KCNAB2: variants seen among roughly 807,000 people sequenced by gnomAD.
KCNAB2 encodes the protein voltage-gated potassium channel subunit beta-2.
A neutral mutation model predicts 63.6 loss-of-function variants in KCNAB2; 29 were observed. The observed-to-expected ratio is 0.46, with a 90% confidence interval of 0.34 to 0.62. KCNAB2 has a LOEUF of 0.62. Among genes scored for constraint, KCNAB2 ranks in the 20% least tolerant of loss-of-function variants. KCNAB2 has a pLI of 0.01. For synonymous variants in KCNAB2, 222 were observed against 224.2 expected, an observed-to-expected ratio of 0.99 and a Z score of 0.09; for missense variants, 359 against 563.9, an observed-to-expected ratio of 0.64 and a Z score of 3.68.
At chr1:6,029,684 G>A (rs1659454020), upstream of KCNAB2, among the ~76,000 whole-genome samples, 2 of 152,206 alleles carry the variant, frequency 1.3e-5, no homozygotes, top group South Asian at 2.1e-4. Flanking sequence ...TTTACAGATG[G>A]AGAAACTGAC....
intron 1 of KCNAB2, among the ~76,000 whole-genome samples, chr1:6,020,925 G>A (rs1036248202): frequency 6.6e-6 from 1 of 152,106 alleles, no homozygotes; most frequent in East Asian, 1.9e-4. Flanking sequence ...CTCCCAAAGT[G>A]TTGGGATTAC....
upstream of KCNAB2, among the ~76,000 whole-genome samples, chr1:6,030,978 G>A (rs1454520386): frequency 6.6e-6 from 1 of 151,746 alleles, no homozygotes; most frequent in Non-Finnish European, 1.5e-5. Flanking sequence ...CACAGCAAAG[G>A]ACATGGATGC....
chr1:6,064,563 A>G (rs1041667630), intron 2 of KCNAB2, among the ~76,000 whole-genome samples: 3 of 152,218 alleles, frequency 2.0e-5, no homozygotes, highest in Non-Finnish European at 4.4e-5. Context: ...GGTAGGGGGC[A>G]AAAGACTTAA....
chr1:6,003,066 C>T lies in KCNAB2; in HGVS notation c.-53+10278C>T, dbSNP rs569847606. On this transcript the variant is annotated intron_variant, in intron 1 of 16. Coordinates refer to the KCNAB2 transcript ENST00000341524. The surrounding 1 kb of genome is among the most constrained non-coding windows in gnomAD (Gnocchi z 4.1). ...AGAGCTAGAACATGACCGCAGCAGA[C>T]GCCTGATCCTGCGCCCCAGGCGACC... 2.4e-4 allele frequency among the ~76,000 whole-genome samples: 37 copies of T among 152,334 alleles called. 1 individual carries two copies. The South Asian group carries it at 6.4e-3, about 26-fold the overall frequency.
intron 1 of KCNAB2, among the ~76,000 whole-genome samples, chr1:6,006,979 C>G (rs1657833267): frequency 6.6e-6 from 1 of 152,152 alleles, no homozygotes; most frequent in African/African-American, 2.4e-5. Context: ...TCGCCTTATT[C>G]TGTGCTGGGC....
At chr1:6,063,155 G>T (rs1291612937) in intron 2 of KCNAB2, among the ~76,000 whole-genome samples, 1 of 148,326 alleles carries the variant, frequency 6.7e-6, no homozygotes, top group Admixed American at 6.7e-5. Context: ...GAGTAGCTGG[G>T]ATTACAGGCG....
Position 6,051,754 on chromosome 1 carries a change from G to T in KCNAB2, c.218G>T (p.Arg73Leu). ...CTAQRTGMKY[R>L]NLGKSGLRVS... ...GCCCAGCGCACAGGCATGAAGTATC[G>T]GTAAGGGCCGGGCAGGGGGGCGGTG... The change falls in exon 2 of 16, where the codon CGG (arginine) becomes CTG (leucine). Residue 73 changes from arginine (R) to leucine (L), a missense_variant and splice_region_variant. By Grantham distance (102) the Arg-to-Leu change is moderately radical. Around this residue, in one of 2 missense-constraint regions of KCNAB2, gnomAD observed 271 missense variants for 476.1 expected, o/e 0.57. Transcript: ENST00000378083. The T allele has an allele frequency of 6.5e-7, 1 of 1,528,816 alleles. No homozygotes were observed. Among genetic ancestry groups the T allele is most frequent in the Non-Finnish European group, 8.7e-7 (1 of 1,142,964 alleles). The allele number at this position is 1,528,816 out of a possible 1,614,324, so 94.7% of individuals were successfully genotyped here. A position where few individuals can be genotyped will look rare whatever the true frequency, so the allele number is the denominator to read the frequency against.
intron 1 of KCNAB2, among the ~76,000 whole-genome samples, chr1:6,002,453 C>T (rs961719959): frequency 4.6e-5 from 7 of 152,254 alleles, no homozygotes; most frequent in Admixed American, 2.6e-4. Flanking sequence ...GTGCCTGCCA[C>T]GGCAGCTGTG....
In KCNAB2 at chr1:6,100,068, A is replaced by G. The variant is rs1270098581; in HGVS notation, c.*1494A>G. ...TGCCCCCAGGGCGCACCCTCAGTGC[A>G]GGCACCTCTGTTCCCGCTTTGCCCC... On this transcript the variant is annotated 3_prime_UTR_variant, in exon 16 of 16. Coordinates refer to ENST00000378083, the MANE Select transcript of KCNAB2 (RefSeq NM_001199862.2). 4.1e-6 allele frequency: 6 copies of G among 1,474,756 alleles called. No individual in the cohort carries two copies. In the African/African-American group the frequency reaches 8.5e-5, roughly 21 times the overall value. The allele number at this position is 1,474,756 out of a possible 1,614,324, so 91.4% of individuals were successfully genotyped here. A position where few individuals can be genotyped will look rare whatever the true frequency, so the allele number is the denominator to read the frequency against.
chr1:6,044,666 G>T (rs1464747711), upstream of KCNAB2, among the ~76,000 whole-genome samples: 1 of 152,156 alleles, frequency 6.6e-6, no homozygotes, highest in Non-Finnish European at 1.5e-5. Flanking sequence ...TGGTGTTTGA[G>T]CAGGGCAGGG....
intron 1 of KCNAB2, among the ~76,000 whole-genome samples, chr1:6,039,284 G>A (rs1275830863): frequency 6.6e-6 from 1 of 152,188 alleles, no homozygotes. Context: ...GCCTGAGGGG[G>A]CAGTGCCTAG....
At chr1:6,060,219 CCTGCCATA>C (rs1286663814) in intron 2 of KCNAB2, among the ~76,000 whole-genome samples, 1 of 152,228 alleles carries the variant, frequency 6.6e-6, no homozygotes, top group Non-Finnish European at 1.5e-5. Flanking sequence ...TCCCTGGAGC[CCTGCCATA>C]CTCCTGGGCA....
chr1:6,017,816 A>G (rs1658600894), intron 1 of KCNAB2, among the ~76,000 whole-genome samples: 1 of 152,048 alleles, frequency 6.6e-6, no homozygotes, highest in Admixed American at 6.5e-5. Flanking sequence ...TGGCCTCCCA[A>G]AGTGCTGGGA....
At chr1:6,076,263 C>T (rs997108331) in intron 4 of KCNAB2, among the ~76,000 whole-genome samples, 1 of 152,236 alleles carries the variant, frequency 6.6e-6, no homozygotes, top group African/African-American at 2.4e-5. Flanking sequence ...GCCACCCTCA[C>T]ATGGCACAGG....
chr1:6,084,586 T>TGAGGG (rs1664496904), intron 5 of KCNAB2, among the ~76,000 whole-genome samples: 4 of 152,152 alleles, frequency 2.6e-5, no homozygotes, highest in Non-Finnish European at 4.4e-5. Context: ...GAGGCCACAG[T>TGAGGG]GGGCGGATCA....
intron 2 of KCNAB2, among the ~76,000 whole-genome samples, chr1:6,070,865 C>T (rs1422649236): frequency 6.6e-6 from 1 of 152,192 alleles, no homozygotes; most frequent in Non-Finnish European, 1.5e-5. Context: ...ATAGCCGCCA[C>T]CCGGTGCGCC....
At chr1:6,094,565 C>T in intron 11 of KCNAB2, 80 bp downstream of exon 11, 15 of 1,221,052 alleles carry the variant, frequency 1.2e-5, no homozygotes, top group Middle Eastern at 2.4e-4. Context: ...AAAGCTCTGG[C>T]GGGGTCTGTG....
chr1:5,997,596 C>T lies in KCNAB2; in HGVS notation c.-53+4808C>T, dbSNP rs539355606. Among the ~76,000 whole-genome samples, 5 of 152,300 alleles carry T rather than the reference C, an allele frequency of 3.3e-5. No individual in the cohort carries two copies. In the South Asian group the frequency reaches 8.3e-4, roughly 25 times the overall value. On this transcript the variant is annotated intron_variant, in intron 1 of 16. Coordinates refer to the KCNAB2 transcript ENST00000341524. ...TGAATGTGTTTTCATTTTCCACCCC[C>T]GGGCAGCTTCATGATCTTTCATTGC...
chr1:6,000,318 T>TGCCCAAAACAGGAC (rs1553209367), intron 1 of KCNAB2, among the ~76,000 whole-genome samples: 1 of 152,226 alleles, frequency 6.6e-6, no homozygotes, highest in Non-Finnish European at 1.5e-5. Flanking sequence ...GGAAACAGGA[T>TGCCCAAAACAGGAC]GCCCAAAACA....
Sources: allele counts gnomAD v4.1 joint callset (sites outside exome capture counted in the v4.1 genomes callset), GRCh38; gene constraint gnomAD v4.1.1; regional missense constraint gnomAD v4.1.1; non-coding constraint Gnocchi (gnomAD v3.1); transcripts MANE v1.5; gene names NCBI Gene and HGNC (gene_info 2026-07-23, HGNC 2026-07-21).